Variants in TMEM62 observed in about 807,000 individuals in gnomAD.
The protein encoded by TMEM62 is transmembrane protein 62.
A neutral mutation model predicts 70.4 loss-of-function variants in TMEM62; 41 were observed. That is an observed-to-expected ratio of 0.58 (90% CI 0.45 to 0.76). TMEM62 has a LOEUF of 0.76. Ranked by LOEUF, TMEM62 falls within the 30% of genes least tolerant of loss-of-function variation. TMEM62 has a pLI of 0.00. For missense variants in TMEM62, 688 were observed against 788.5 expected, an observed-to-expected ratio of 0.87 and a Z score of 1.53; for synonymous variants, 268 against 291.0, an observed-to-expected ratio of 0.92 and a Z score of 0.80.
Position 43,169,633 on chromosome 15 carries a change from C to A in TMEM62, c.1337C>A (p.Thr446Asn). 1 of 1,614,074 alleles carries A rather than the reference C, an allele frequency of 6.2e-7. No individual in the cohort carries two copies. ...GTGCTGATTGTGCTGAGCCAGCTCA[C>A]CATTCTCATTATTTTTAGATATCGA... ...LFVLIVLSQL[T>N]ILIIFRYRGY... is the part of the protein sequence containing the mutation. Residue 446 changes from threonine to asparagine, a missense_variant, in exon 11 of 14, where the codon ACC becomes AAC. Transcript: ENST00000260403.
chr15:43,137,037 G>A (rs908026599), intron 3 of TMEM62, among the ~76,000 whole-genome samples: 1 of 152,156 alleles, frequency 6.6e-6, no homozygotes, highest in African/African-American at 2.4e-5. Flanking sequence ...ACAGGTGTGA[G>A]TCACTGCACC....
At chr15:43,134,420 C>T in intron 2 of TMEM62, 52 bp downstream of exon 2, 1 of 1,426,184 alleles carries the variant, frequency 7.0e-7, no homozygotes, top group Non-Finnish European at 9.9e-7. Flanking sequence ...CATGGTAGAA[C>T]TCTAGCCAGG....
chr15:43,139,838 T>C (rs1567177771), intron 4 of TMEM62, among the ~76,000 whole-genome samples: 1 of 152,208 alleles, frequency 6.6e-6, no homozygotes, highest in East Asian at 1.9e-4. Context: ...CTCCATAACA[T>C]AAATATGCAG....
intron 4 of TMEM62, among the ~76,000 whole-genome samples, chr15:43,141,124 C>T (rs2035948874): frequency 6.6e-6 from 1 of 152,222 alleles, no homozygotes. Context: ...GGTGCCCCAT[C>T]TCATCCTCAG....
rs562161551 is a variant in TMEM62 at position 43,145,290 on chromosome 15, C to T, written c.477-1203C>T. Reference sequence around the variant, plus strand: ...CACGATCTCCACTCACTGCAAGCTCCGCCTCCCGGGTTCAAGCCATTGTCC... The same window carrying T: ...CACGATCTCCACTCACTGCAAGCTCTGCCTCCCGGGTTCAAGCCATTGTCC... On this transcript the variant is annotated intron_variant, in intron 4 of 13. Coordinates refer to ENST00000260403, the MANE Select transcript of TMEM62 (RefSeq NM_024956.4). Among the ~76,000 whole-genome samples, 24 of 149,430 alleles carry T rather than the reference C, an allele frequency of 1.6e-4. No homozygotes were observed. The South Asian group carries it at 2.6e-3, about 16-fold the overall frequency.
intron 10 of TMEM62, among the ~76,000 whole-genome samples, chr15:43,168,350 G>A (rs2039817464): frequency 6.6e-6 from 1 of 152,120 alleles, no homozygotes; most frequent in South Asian, 2.1e-4. Flanking sequence ...CATAGTACTG[G>A]GTCTTGTCCA....
At chr15:43,169,524 C>A in intron 10 of TMEM62, 69 bp from the exon 11 acceptor site, 1 of 1,353,398 alleles carries the variant, frequency 7.4e-7, no homozygotes, top group Non-Finnish European at 1.0e-6. Flanking sequence ...GTTAATAAGG[C>A]TACTTTAAAA....
At chr15:43,146,150 C>T (rs1331197968) in intron 4 of TMEM62, 1 of 167,332 alleles carries the variant, frequency 6.0e-6, no homozygotes, top group Non-Finnish European at 1.3e-5. Context: ...ATTCTAGGTA[C>T]TTAGTATGCC....
Position 43,133,846 on chromosome 15 carries a change from C to A in TMEM62, c.44C>A (p.Ala15Asp), listed in dbSNP as rs2034749561. 7.5e-6 allele frequency: 11 copies of A among 1,463,676 alleles called. No homozygotes were observed. Among genetic ancestry groups the A allele is most frequent in the Non-Finnish European group, 9.0e-6 (10 of 1,115,344 alleles). The allele number at this position is 1,463,676 out of a possible 1,614,324, so 90.7% of individuals were successfully genotyped here. A position where few individuals can be genotyped will look rare whatever the true frequency, so the allele number is the denominator to read the frequency against. ...LALRVVAGLA[A>D]AALVAMLLEH... ...CTCAGGGTGGTCGCGGGGTTGGCGGCCGCAGCGCTGGTGGCCATGCTCTTG... is the reference window on the plus strand; with the variant it reads ...CTCAGGGTGGTCGCGGGGTTGGCGGACGCAGCGCTGGTGGCCATGCTCTTG... The change falls in exon 1 of 14, where the codon GCC becomes GAC. Residue 15 changes from alanine (A) to aspartate (D), a missense_variant. Coordinates refer to ENST00000260403, the MANE Select transcript of TMEM62 (RefSeq NM_024956.4).
At chr15:43,175,127 G>A (rs1037143118) in intron 11 of TMEM62, among the ~76,000 whole-genome samples, 2 of 152,050 alleles carry the variant, frequency 1.3e-5, no homozygotes, top group African/African-American at 2.4e-5. Flanking sequence ...AAAATTTAAA[G>A]AATAGCTGCC....
intron 11 of TMEM62, among the ~76,000 whole-genome samples, chr15:43,174,396 T>C (rs916532869): frequency 6.6e-6 from 1 of 152,190 alleles, no homozygotes; most frequent in African/African-American, 2.4e-5. Context: ...CTACTGAATG[T>C]TTTTCTTCTT....
intron 4 of TMEM62, among the ~76,000 whole-genome samples, chr15:43,143,441 T>C (rs2036304121): frequency 6.6e-6 from 1 of 152,246 alleles, no homozygotes; most frequent in Non-Finnish European, 1.5e-5. Flanking sequence ...TTTATTGTGG[T>C]GTCAGGAACC....
intron 4 of TMEM62, among the ~76,000 whole-genome samples, chr15:43,142,092 A>G (rs112968641): frequency 0.069 from 10,463 of 152,142 alleles, 1,180 homozygotes; most frequent in African/African-American, 0.23. Context: ...ATAAAGCAAT[A>G]ACAGTGTTGG....
intron 2 of TMEM62, among the ~76,000 whole-genome samples, chr15:43,134,986 G>A (rs992089244): frequency 2.0e-5 from 3 of 152,136 alleles, no homozygotes; most frequent in African/African-American, 7.2e-5. Context: ...ACATGAAAGG[G>A]TATCAGTTCT....
intron 3 of TMEM62, among the ~76,000 whole-genome samples, chr15:43,136,063 A>G (rs2035188176): frequency 6.6e-6 from 1 of 151,930 alleles, no homozygotes; most frequent in African/African-American, 2.4e-5. Context: ...CTGTACATGG[A>G]AAAAATATGA....
chr15:43,153,044 T>C (rs1208517437), intron 8 of TMEM62, among the ~76,000 whole-genome samples: 1 of 152,176 alleles, frequency 6.6e-6, no homozygotes, highest in Non-Finnish European at 1.5e-5. Context: ...CTAACCATTT[T>C]CATATCTCAT....
At chr15:43,147,900 G>T (rs1453785796) in intron 5 of TMEM62, among the ~76,000 whole-genome samples, 1 of 152,014 alleles carries the variant, frequency 6.6e-6, no homozygotes, top group African/African-American at 2.4e-5. Context: ...GAAATGTATT[G>T]CTGTAAGCAC....
At chr15:43,136,159 T>C (rs984629092) in intron 3 of TMEM62, among the ~76,000 whole-genome samples, 117 of 152,306 alleles carry the variant, frequency 7.7e-4, no homozygotes, top group African/African-American at 2.6e-3. Flanking sequence ...GTCTGCATAC[T>C]GTATGATTTC....
chr15:43,175,613 G>T (rs8040997), intron 11 of TMEM62, among the ~76,000 whole-genome samples: 26 of 152,308 alleles, frequency 1.7e-4, no homozygotes, highest in African/African-American at 6.3e-4. Flanking sequence ...TTAAAAGCAC[G>T]TTAATTTGGA....
Sources: gnomAD v4.1 joint callset for allele counts (sites outside exome capture counted in the v4.1 genomes callset) on GRCh38, gnomAD v4.1.1 for gene constraint, MANE v1.5 for transcripts, NCBI Gene and HGNC (gene_info 2026-07-23, HGNC 2026-07-21) for gene names.